The following HNF4G variants were observed in gnomAD, a reference collection of about 807,000 sequenced individuals.
HNF4G encodes hepatocyte nuclear factor 4 gamma, also known as hepatocyte nuclear factor 4-gamma.
In HNF4G, 21 loss-of-function variants were observed where a neutral mutation model predicts 50.9. That is an observed-to-expected ratio of 0.41 (90% CI 0.29 to 0.59). The LOEUF (loss-of-function observed/expected upper bound fraction) is 0.59, where lower values mean the gene tolerates loss of function less well. HNF4G is among the 20% of genes least tolerant of loss of function. The probability of loss-of-function intolerance (pLI) is 0.26; values close to 1 mark genes in which losing one functional copy is unlikely to be tolerated. For missense variants in HNF4G, 527 were observed against 559.4 expected, an observed-to-expected ratio of 0.94 and a Z score of 0.58; for synonymous variants, 198 against 185.6, an observed-to-expected ratio of 1.07 and a Z score of -0.54.
chr8:75,557,112 T>C (rs1473215504), intron 6 of HNF4G, among the ~76,000 whole-genome samples: 5 of 152,210 alleles, frequency 3.3e-5, no homozygotes, highest in Non-Finnish European at 7.3e-5. Context: ...TCTAGAATAC[T>C]GTTCTTGTTA....
chr8:75,548,640 CAT>C (rs1806859338), intron 3 of HNF4G, among the ~76,000 whole-genome samples: 1 of 152,158 alleles, frequency 6.6e-6, no homozygotes, highest in Non-Finnish European at 1.5e-5. Context: ...ACATTGTAAA[CAT>C]GTGACAGTGT....
intron 1 of HNF4G, among the ~76,000 whole-genome samples, chr8:75,434,888 C>A (rs933307680): frequency 6.6e-6 from 1 of 152,168 alleles, no homozygotes; most frequent in African/African-American, 2.4e-5. Context: ...ACTTAGTAGT[C>A]TGATAAATCA....
chr8:75,543,785 C>T (rs955353355), intron 1 of HNF4G, 26 bp from the exon 2 acceptor site: 46 of 1,591,938 alleles, frequency 2.9e-5, no homozygotes, highest in Non-Finnish European at 3.8e-5. Flanking sequence ...CTAACTCTAA[C>T]TGTAATCTTC....
At chr8:75,460,560 A>C (rs192851146) in intron 1 of HNF4G, among the ~76,000 whole-genome samples, 11 of 152,310 alleles carry the variant, frequency 7.2e-5, no homozygotes, top group African/African-American at 2.4e-4. Flanking sequence ...TCTTGCCTTC[A>C]TTCTTATCAA....
intron 1 of HNF4G, among the ~76,000 whole-genome samples, chr8:75,473,363 T>C (rs370910224): frequency 1.3e-5 from 2 of 152,090 alleles, no homozygotes; most frequent in South Asian, 2.1e-4. Flanking sequence ...ATACATAAAA[T>C]ATATTTGGAC....
intron 2 of HNF4G, among the ~76,000 whole-genome samples, chr8:75,492,361 C>T (rs1012580965): frequency 6.6e-6 from 1 of 152,102 alleles, no homozygotes; most frequent in Non-Finnish European, 1.5e-5. Flanking sequence ...TAAAACTATT[C>T]AGCTAGAAAC....
intron 1 of HNF4G, among the ~76,000 whole-genome samples, chr8:75,543,463 G>T (rs1261267350): frequency 6.6e-6 from 1 of 152,148 alleles, no homozygotes; most frequent in Non-Finnish European, 1.5e-5. Context: ...TTCAATAGGT[G>T]CTTGGGCATT....
intron 1 of HNF4G, among the ~76,000 whole-genome samples, chr8:75,421,511 C>G (rs1258865570): frequency 6.6e-6 from 1 of 152,202 alleles, no homozygotes; most frequent in African/African-American, 2.4e-5. Context: ...CCTATCATCT[C>G]TATCTTAATT....
intron 1 of HNF4G, among the ~76,000 whole-genome samples, chr8:75,438,778 T>C (rs1811202594): frequency 6.6e-6 from 1 of 152,188 alleles, no homozygotes; most frequent in Non-Finnish European, 1.5e-5. Flanking sequence ...TCTTCTACTC[T>C]ATACTCCAAT....
chr8:75,504,998 T>C (rs1234417082), intron 2 of HNF4G, among the ~76,000 whole-genome samples: 2 of 152,182 alleles, frequency 1.3e-5, no homozygotes, highest in African/African-American at 4.8e-5. Flanking sequence ...TAGGTGATTA[T>C]AGAAACTTCT....
intron 2 of HNF4G, among the ~76,000 whole-genome samples, chr8:75,519,994 TTC>T (rs1300731092): frequency 6.6e-6 from 1 of 152,156 alleles, no homozygotes; most frequent in Admixed American, 6.6e-5. Context: ...TGTTTTCTGT[TTC>T]TTTTTTTTCT....
chr8:75,475,339 A>C (rs1026437368), intron 1 of HNF4G, among the ~76,000 whole-genome samples: 7 of 152,214 alleles, frequency 4.6e-5, no homozygotes, highest in African/African-American at 1.7e-4. Context: ...ACCATGGCTT[A>C]AGTTATTTAT....
At chr8:75,419,767 G>A (rs1049744654) in intron 1 of HNF4G, among the ~76,000 whole-genome samples, 1 of 152,238 alleles carries the variant, frequency 6.6e-6, no homozygotes, top group Non-Finnish European at 1.5e-5. Flanking sequence ...TTAAAACAGC[G>A]AGTGATTAGT....
At chr8:75,506,941 G>T (rs1320478263) in intron 2 of HNF4G, among the ~76,000 whole-genome samples, 2 of 152,172 alleles carry the variant, frequency 1.3e-5, no homozygotes, top group East Asian at 3.9e-4. Flanking sequence ...AATGTAGAAT[G>T]ATATTTATGT....
chr8:75,432,554 G>A (rs1811040237), intron 1 of HNF4G, among the ~76,000 whole-genome samples: 1 of 152,172 alleles, frequency 6.6e-6, no homozygotes, highest in Admixed American at 6.5e-5. Flanking sequence ...GCCCGCCTCT[G>A]CCTCCCAAAG....
At position 75,503,876 on chromosome 8, in the gene HNF4G, T is replaced by C. The variant is rs73690929; in HGVS notation, c.-24+13668T>C. ...AGTTTAAAGCTAGTAAAGAGGAAGT[T>C]CCAGGTAATCTAAAGGCCTAGGAGT... On this transcript the variant is annotated intron_variant, in intron 2 of 10. Transcript: ENST00000354370. Among the ~76,000 whole-genome samples, 774 of 152,234 alleles carry C rather than the reference T, an allele frequency of 5.1e-3. 13 individuals carry two copies. The highest frequency in any genetic ancestry group is 0.018 in the African/African-American group (747 of 41,524).
intron 1 of HNF4G, among the ~76,000 whole-genome samples, chr8:75,484,796 A>C (rs1299387813): frequency 1.3e-5 from 2 of 152,356 alleles, no homozygotes; most frequent in East Asian, 3.9e-4. Context: ...TGAACAAATG[A>C]GTGAATTGCA....
At chr8:75,473,924 G>A (rs1312302769) in intron 1 of HNF4G, among the ~76,000 whole-genome samples, 2 of 151,894 alleles carry the variant, frequency 1.3e-5, no homozygotes, top group African/African-American at 4.8e-5. Context: ...TTCACAGAAG[G>A]GCTGTCTGAG....
chr8:75,409,468 G>T lies in HNF4G; in HGVS notation c.-144+1306G>T, dbSNP rs1810442910. On this transcript the variant is annotated intron_variant, in intron 1 of 10. Coordinates refer to the HNF4G transcript ENST00000354370. ...ATGCAAATAATAAGTATTTGTTTTT[G>T]AGTGCCTTGTTCTTTTTTTTTTTTT... Among the ~76,000 whole-genome samples, 4 of 139,192 alleles carry T rather than the reference G, an allele frequency of 2.9e-5. No homozygotes were observed. In the South Asian group the frequency reaches 7.1e-4, roughly 25 times the overall value. The allele number at this position is 139,192 out of a possible 152,430, so 91.3% of individuals were successfully genotyped here. A position where few individuals can be genotyped will look rare whatever the true frequency, so the allele number is the denominator to read the frequency against.
Sources: gnomAD v4.1 joint callset for allele counts (sites outside exome capture counted in the v4.1 genomes callset) on GRCh38, gnomAD v4.1.1 for gene constraint, MANE v1.5 for transcripts, NCBI Gene and HGNC (gene_info 2026-07-23, HGNC 2026-07-21) for gene names.